Variants in PTPRD observed in about 807,000 individuals in gnomAD.
PTPRD encodes the protein receptor-type tyrosine-protein phosphatase delta.
Under a neutral mutation model 214.5 loss-of-function variants are expected in PTPRD, and 34 were observed. The observed-to-expected ratio is 0.16, with a 90% CI of 0.12 to 0.21. PTPRD has a LOEUF of 0.21. Among genes scored for constraint, PTPRD ranks in the 10% least tolerant of loss-of-function variants. The pLI, the probability that PTPRD is intolerant of heterozygous loss-of-function variation, is 1.00. For synonymous variants in PTPRD, 1,128 were observed against 845.7 expected, an observed-to-expected ratio of 1.33 and a Z score of -5.79; for missense variants, 2,545 against 2,398.7, an observed-to-expected ratio of 1.06 and a Z score of -1.27.
intron 3 of PTPRD, among the ~76,000 whole-genome samples, chr9:10,312,359 C>A (rs1175209190): frequency 6.6e-6 from 1 of 151,854 alleles, no homozygotes; most frequent in East Asian, 1.9e-4. Flanking sequence ...AAAGTAAGCA[C>A]ATACACAATT....
At chr9:10,100,320 A>G (rs921903213) in intron 3 of PTPRD, among the ~76,000 whole-genome samples, 1 of 151,720 alleles carries the variant, frequency 6.6e-6, no homozygotes, top group African/African-American at 2.4e-5. Flanking sequence ...TCCTCAATCT[A>G]TAGAGAAAAT....
intron 3 of PTPRD, among the ~76,000 whole-genome samples, chr9:10,180,808 A>G (rs1449531272): frequency 6.6e-6 from 1 of 152,052 alleles, no homozygotes; most frequent in African/African-American, 2.4e-5. Context: ...GTCAAAGGAT[A>G]GAAATCACAT....
chr9:9,484,320 A>G (rs1435808269), intron 8 of PTPRD, among the ~76,000 whole-genome samples: 1 of 152,072 alleles, frequency 6.6e-6, no homozygotes, highest in African/African-American at 2.4e-5. Flanking sequence ...ATATTTTAGG[A>G]TTCCAGTTAT....
chr9:8,645,739 G>GTTA lies in PTPRD; in HGVS notation c.65-8898_65-8896dup, dbSNP rs1467610318. 4.5e-5 allele frequency among the ~76,000 whole-genome samples: 6 copies of GTTA among 133,458 alleles called. No homozygotes were observed. The South Asian group carries it at 1.5e-3, about 34-fold the overall frequency. The allele number at this position is 133,458 out of a possible 152,430, so 87.6% of individuals were successfully genotyped here. On this transcript the variant is annotated intron_variant, in intron 12 of 45. Transcript: ENST00000381196. ...TCTCCCACTTGCACTTTCTATCAAT[G>GTTA]TTAGGTTATTATTTCTAACTGCTTG...
At chr9:9,439,591 A>T (rs2086704786) in intron 8 of PTPRD, among the ~76,000 whole-genome samples, 1 of 152,128 alleles carries the variant, frequency 6.6e-6, no homozygotes, top group Non-Finnish European at 1.5e-5. Flanking sequence ...TTCAGCCCCC[A>T]GATTAGAGGT....
At position 9,323,862 on chromosome 9, in the gene PTPRD, C is replaced by T. The variant is rs113850796; in HGVS notation, c.-203+73587G>A. 8.9e-3 allele frequency among the ~76,000 whole-genome samples: 1,358 copies of T among 152,226 alleles called. 15 individuals carry two copies. The highest frequency in any genetic ancestry group is 0.031 in the African/African-American group (1,282 of 41,552). ...CCCCATCCCCGCACCCCACAACAGG[C>T]CCTGGTGTGTGATGTTCCCTGCTGT... On this transcript the variant is annotated intron_variant, in intron 9 of 45. Transcript: ENST00000381196.
Position 9,889,806 on chromosome 9 carries a change from T to C in PTPRD, c.-368+48701A>G, listed in dbSNP as rs552356401. On this transcript the variant is annotated intron_variant, in intron 5 of 45. Transcript: ENST00000381196. ...CCTGCTGAGTGTGTGTGTGTGTGTG[T>C]GTGTGTATGTGTGTGTGTGTGTCTG... 5.3e-5 allele frequency among the ~76,000 whole-genome samples: 8 copies of C among 150,866 alleles called. No individual in the cohort carries two copies. In the South Asian group the frequency reaches 1.5e-3, roughly 28 times the overall value.
intron 9 of PTPRD, among the ~76,000 whole-genome samples, chr9:9,303,895 T>C (rs1434824803): frequency 2.0e-5 from 3 of 152,118 alleles, no homozygotes; most frequent in African/African-American, 7.2e-5. Context: ...TCTGATGTAA[T>C]GATTTAATTT....
At chr9:8,938,841 T>A (rs2099014028) in intron 11 of PTPRD, among the ~76,000 whole-genome samples, 1 of 152,274 alleles carries the variant, frequency 6.6e-6, no homozygotes. Context: ...AGACATTAGC[T>A]TAGTTAGCAT....
At chr9:8,928,997 T>C (rs1240182277) in intron 11 of PTPRD, among the ~76,000 whole-genome samples, 1 of 152,092 alleles carries the variant, frequency 6.6e-6, no homozygotes, top group Non-Finnish European at 1.5e-5. Context: ...CTGTCTATTA[T>C]TGGTGTATAG....
chr9:9,489,415 A>C (rs1432607559), intron 8 of PTPRD, among the ~76,000 whole-genome samples: 1 of 152,166 alleles, frequency 6.6e-6, no homozygotes, highest in Non-Finnish European at 1.5e-5. Context: ...CAAAAGAAAA[A>C]AATAAACTGT....
rs547185755 is a variant in PTPRD at position 10,221,252 on chromosome 9, A to G, written c.-545+119711T>C. On this transcript the variant is annotated intron_variant, in intron 3 of 45. Coordinates refer to ENST00000381196, the MANE Select transcript of PTPRD (RefSeq NM_002839.4). ...AATAAATTACAGAATTTGGGTACTG[A>G]ACGGGAGCTCAGATACAAACATATT... Among the ~76,000 whole-genome samples, 186 of 152,150 alleles carry G rather than the reference A, an allele frequency of 1.2e-3. 3 individuals are homozygous for G. In the South Asian group the frequency reaches 0.036, roughly 29 times the overall value.
chr9:8,644,273 C>T (rs952363350), intron 12 of PTPRD, among the ~76,000 whole-genome samples: 10 of 151,898 alleles, frequency 6.6e-5, no homozygotes, highest in Admixed American at 5.9e-4. Context: ...GAGCTACCCT[C>T]TCTGACAGGA....
chr9:8,541,627 C>A (rs2078446161), intron 14 of PTPRD, among the ~76,000 whole-genome samples: 1 of 152,096 alleles, frequency 6.6e-6, no homozygotes, highest in Non-Finnish European at 1.5e-5. Flanking sequence ...CCCTGGCCTT[C>A]CAGTGCTGGG....
chr9:9,017,014 C>CA (rs1198292341), intron 11 of PTPRD, among the ~76,000 whole-genome samples: 1 of 151,962 alleles, frequency 6.6e-6, no homozygotes, highest in Non-Finnish European at 1.5e-5. Flanking sequence ...TTATAAAAAA[C>CA]AATGTATGGT....
At chr9:10,568,639 G>C (rs997889117) in intron 2 of PTPRD, among the ~76,000 whole-genome samples, 1 of 152,118 alleles carries the variant, frequency 6.6e-6, no homozygotes, top group East Asian at 1.9e-4. Context: ...CTATCTGATT[G>C]TTGACAAACC....
chr9:9,065,095 A>T (rs1247684201), intron 10 of PTPRD, among the ~76,000 whole-genome samples: 1 of 152,208 alleles, frequency 6.6e-6, no homozygotes, highest in Admixed American at 6.6e-5. Context: ...ATATAACAAT[A>T]TATACATTTG....
At chr9:8,523,652 TCTAGTTCATC>T (rs1190704094) in intron 18 of PTPRD, 128 bp from the exon 19 acceptor site, 6 of 951,798 alleles carry the variant, frequency 6.3e-6, no homozygotes, top group Non-Finnish European at 9.6e-6. Context: ...CTTTATTCGC[TCTAGTTCATC>T]CTTCCTATCT....
At chr9:8,803,451 G>T (rs917290073) in intron 11 of PTPRD, among the ~76,000 whole-genome samples, 4 of 152,108 alleles carry the variant, frequency 2.6e-5, no homozygotes, top group Admixed American at 1.3e-4. Context: ...ACTCTGTTCA[G>T]ATCCTTTTAG....
Sources: gnomAD v4.1 joint callset for allele counts (sites outside exome capture counted in the v4.1 genomes callset) on GRCh38, gnomAD v4.1.1 for gene constraint, MANE v1.5 for transcripts, NCBI Gene and HGNC (gene_info 2026-07-23, HGNC 2026-07-21) for gene names.